DNM1L: variants seen among roughly 807,000 people sequenced by gnomAD.
DNM1L encodes dynamin 1L.
Under a neutral mutation model 92.8 loss-of-function variants are expected in DNM1L, and 33 were observed. That is an observed-to-expected ratio of 0.36 (90% CI 0.27 to 0.48). The LOEUF (loss-of-function observed/expected upper bound fraction) is 0.48, where lower values mean the gene tolerates loss of function less well. Ranked by LOEUF, DNM1L falls within the 20% of genes least tolerant of loss-of-function variation. The pLI is 0.99. For synonymous variants in DNM1L, 284 were observed against 305.0 expected (o/e 0.93, Z 0.72); for missense variants, 485 against 888.8 (o/e 0.55, Z 5.78).
intron 18 of DNM1L, 70 bp downstream of exon 18, chr12:32,740,588 T>C: frequency 7.4e-7 from 1 of 1,349,398 alleles, no homozygotes; most frequent in Non-Finnish European, 1.0e-6. Flanking sequence ...TTTTGAAAAA[T>C]ACATGTATTT....
chr12:32,709,281 T>C (rs1487095167), intron 4 of DNM1L, among the ~76,000 whole-genome samples: 1 of 152,184 alleles, frequency 6.6e-6, no homozygotes, highest in East Asian at 1.9e-4. Flanking sequence ...TTCCTCTAAT[T>C]ATATCAGGGA....
At chr12:32,717,964 T>C (rs1274987017) in intron 6 of DNM1L, among the ~76,000 whole-genome samples, 1 of 105,594 alleles carries the variant, frequency 9.5e-6, no homozygotes, top group Non-Finnish European at 1.7e-5. Context: ...ATATAGTATA[T>C]ATATTATATA....
chr12:32,739,952 A>C (rs1411081435), intron 16 of DNM1L, 112 bp from the exon 17 acceptor site: 2 of 1,373,632 alleles, frequency 1.5e-6, no homozygotes, highest in African/African-American at 2.9e-5. Context: ...CTGTCTGAAT[A>C]AACTTCAGAT....
intron 4 of DNM1L, chr12:32,709,477 A>G (rs776701161): frequency 2.6e-5 from 4 of 152,184 alleles, no homozygotes; most frequent in African/African-American, 7.2e-5. Flanking sequence ...GATTGAGTCT[A>G]TACCTACAAG....
chr12:32,710,847 C>T (rs1953099020), intron 4 of DNM1L, 82 bp from the exon 5 acceptor site: 1 of 1,128,804 alleles, frequency 8.9e-7, no homozygotes, highest in East Asian at 2.6e-5. Flanking sequence ...TTTTTAAAAG[C>T]ATTAATGTCT....
chr12:32,738,139 A>C (rs1388788764), intron 15 of DNM1L, 125 bp from the exon 16 acceptor site: 1 of 1,200,008 alleles, frequency 8.3e-7, no homozygotes, highest in African/African-American at 1.5e-5. Flanking sequence ...TTTTGCTTGC[A>C]ATATAGAAGA....
chr12:32,701,651 T>C, intron 2 of DNM1L, 89 bp downstream of exon 2: 2 of 1,203,970 alleles, frequency 1.7e-6, no homozygotes, highest in South Asian at 1.2e-5. Flanking sequence ...TAATTAGAAA[T>C]TAGTGACTGT....
chr12:32,679,391 A>T lies in DNM1L; in HGVS notation c.28A>T (p.Lys10Ter), dbSNP rs745921568. The T allele has an allele frequency of 8.7e-6, 14 of 1,613,670 alleles. No individual in the cohort carries two copies. In the Admixed American group the frequency reaches 1.0e-4, roughly 12 times the overall value. ...GGAGGCGCTAATTCCTGTCATAAAC[A>T]AGCTCCAGGACGTCTTCAACACGGT... MEALIPVIN[K>*]LQDVFNTVGA... The change falls in exon 1 of 20, where the codon AAG (lysine) becomes TAG (stop). Residue 10 changes from lysine to a stop codon, truncating the protein, a stop_gained. Coordinates refer to ENST00000549701, the MANE Select transcript of DNM1L (RefSeq NM_012062.5). LOFTEE classifies it high-confidence loss of function.
chr12:32,731,433 G>A lies in DNM1L; in HGVS notation c.1278G>A (p.Glu426=). 1.9e-6 allele frequency: 3 copies of A among 1,614,146 alleles called. No homozygotes were observed. The highest frequency in any genetic ancestry group is 1.3e-5 in the African/African-American group (1 of 75,024). Residue 426 remains glutamate (E), a synonymous_variant, in exon 11 of 20, where the codon GAG becomes GAA. Coordinates refer to ENST00000549701, the MANE Select transcript of DNM1L (RefSeq NM_012062.5). The surrounding 1 kb of genome is among the most constrained non-coding windows in gnomAD (Gnocchi z 5.1). Reference sequence around the variant, plus strand: ...AGCGGCAAATCAAACGTCTAGAAGAGCCCAGCCTCCGCTGTGTGGAACTGG... The same window carrying A: ...AGCGGCAAATCAAACGTCTAGAAGAACCCAGCCTCCGCTGTGTGGAACTGG... ...LVKRQIKRLE[E]PSLRCVELVH...
intron 12 of DNM1L, among the ~76,000 whole-genome samples, 175 bp downstream of exon 12, chr12:32,732,118 A>T (rs925696467): frequency 2.0e-5 from 3 of 152,190 alleles, no homozygotes; most frequent in Non-Finnish European, 4.4e-5. Context: ...GAAAATTTTT[A>T]ATAATTCTGG....
chr12:32,731,814 C>CA lies in DNM1L; in HGVS notation c.1357-34dup. The CA allele has an allele frequency of 6.6e-7, 1 of 1,513,394 alleles. No individual in the cohort carries two copies. The highest frequency in any genetic ancestry group is 9.2e-7 in the Non-Finnish European group (1 of 1,091,292). 93.7% of individuals were successfully genotyped at this position (1,513,394 alleles called of 1,614,324 possible). On this transcript the variant is annotated intron_variant, in intron 11 of 19. Coordinates refer to ENST00000549701, the MANE Select transcript of DNM1L (RefSeq NM_012062.5). This position sits in a 1 kb window ranked among gnomAD's most constrained non-coding sequence, Gnocchi z 5.1. ...GTGAGACTATGACTTAAAAAAAAAACAAAAAACAAACACGTTTTTCTTTCA... is the reference window on the plus strand; with the variant it reads ...GTGAGACTATGACTTAAAAAAAAAACAAAAAAACAAACACGTTTTTCTTTCA...
At chr12:32,681,780 A>G (rs375303147) in intron 1 of DNM1L, among the ~76,000 whole-genome samples, 1 of 152,180 alleles carries the variant, frequency 6.6e-6, no homozygotes, top group African/African-American at 2.4e-5. Flanking sequence ...CCAGACATAT[A>G]AGTGTTCTGT....
intron 1 of DNM1L, among the ~76,000 whole-genome samples, chr12:32,687,012 C>G (rs1952042591): frequency 6.7e-6 from 1 of 148,428 alleles, no homozygotes; most frequent in Non-Finnish European, 1.5e-5. Flanking sequence ...AACTCCTGAC[C>G]TCAGGTGATC....
chr12:32,688,151 C>T (rs1486311744), intron 1 of DNM1L, among the ~76,000 whole-genome samples: 1 of 152,052 alleles, frequency 6.6e-6, no homozygotes, highest in African/African-American at 2.4e-5. Flanking sequence ...TCTCAAACTC[C>T]TAACCTCAGG....
intron 1 of DNM1L, among the ~76,000 whole-genome samples, chr12:32,680,514 G>A (rs1455539685): frequency 7.1e-6 from 1 of 140,640 alleles, no homozygotes; most frequent in Admixed American, 6.8e-5. Flanking sequence ...CCCTGTACTC[G>A]TTTGTTTGTT....
chr12:32,696,371 C>T (rs1952450175), intron 1 of DNM1L, among the ~76,000 whole-genome samples: 1 of 108,838 alleles, frequency 9.2e-6, no homozygotes, highest in Admixed American at 1.1e-4. Flanking sequence ...ACCCTGTCTA[C>T]ACACACACAC....
chr12:32,742,879 G>C (rs1235387553), intron 19 of DNM1L, 131 bp downstream of exon 19: 1 of 439,174 alleles, frequency 2.3e-6, no homozygotes, highest in East Asian at 5.3e-5. Context: ...GTTGGTACTT[G>C]ATAAGAATCT....
intron 1 of DNM1L, 194 bp downstream of exon 1, chr12:32,679,659 A>T: frequency 7.8e-7 from 1 of 1,282,238 alleles, no homozygotes; most frequent in Non-Finnish European, 9.8e-7. Context: ...GCGTTGCATC[A>T]AGGCGGAGAA....
At chr12:32,738,700 C>T (rs911627459) in intron 16 of DNM1L, among the ~76,000 whole-genome samples, 1 of 152,098 alleles carries the variant, frequency 6.6e-6, no homozygotes, top group African/African-American at 2.4e-5. Flanking sequence ...TATAGCTTCA[C>T]ATATGCTTCA....
Sources: gnomAD v4.1 joint callset for allele counts (sites outside exome capture counted in the v4.1 genomes callset) on GRCh38, gnomAD v4.1.1 for gene constraint, Gnocchi (gnomAD v3.1) non-coding constraint, MANE v1.5 for transcripts, NCBI Gene and HGNC (gene_info 2026-07-23, HGNC 2026-07-21) for gene names.